Variants in CD101 observed in about 807,000 individuals in gnomAD.
CD101 encodes immunoglobulin superfamily member 2.
CD101 carries 76 observed loss-of-function variants against 98.2 expected under a neutral mutation model. The observed-to-expected ratio is 0.77, with a 90% CI of 0.64 to 0.94. The LOEUF is 0.94. Among genes scored for constraint, CD101 ranks in the 40% least tolerant of loss-of-function variants. The pLI, the probability that CD101 is intolerant of heterozygous loss-of-function variation, is 0.00. For synonymous variants in CD101, 471 were observed against 472.7 expected (o/e 1.00, Z 0.05); for missense variants, 1,145 against 1,218.8 (o/e 0.94, Z 0.90).
intron 4 of CD101, among the ~76,000 whole-genome samples, chr1:117,014,769 G>C (rs1653107996): frequency 6.6e-6 from 1 of 152,138 alleles, no homozygotes; most frequent in African/African-American, 2.4e-5. Context: ...TCCAAAGATA[G>C]ATAAATTTTC....
chr1:117,029,355 A>C (rs1248649742), intron 8 of CD101, among the ~76,000 whole-genome samples: 1 of 152,202 alleles, frequency 6.6e-6, no homozygotes, highest in Admixed American at 6.5e-5. Flanking sequence ...GAAGAAAAAG[A>C]TTAATAGAAG....
rs536709860 is a variant in CD101, at chr1:117,022,269, G to A, written c.2428+286G>A. On this transcript the variant is annotated intron_variant, in intron 7 of 9. Transcript: ENST00000682167. The surrounding 1 kb of genome is among the most constrained non-coding windows in gnomAD (Gnocchi z 4.8). ...GGTCTGTGCAGCTACCCAGGGTATC[G>A]TATCTCCAGATCTCTATCATAACAA... Among the ~76,000 whole-genome samples the A allele has an allele frequency of 1.6e-3, 239 of 152,248 alleles. 1 individual carries two copies. Among genetic ancestry groups the A allele is most frequent in the Non-Finnish European group, 2.6e-3 (177 of 68,018 alleles).
At chr1:117,017,516 C>T (rs907799674) in intron 5 of CD101, 43 bp downstream of exon 5, 1 of 1,556,524 alleles carries the variant, frequency 6.4e-7, no homozygotes, top group Non-Finnish European at 8.7e-7. Flanking sequence ...GTATATCACT[C>T]AATTCATTCT....
At chr1:117,008,936 T>C (rs543656359) in intron 1 of CD101, among the ~76,000 whole-genome samples, 5 of 152,230 alleles carry the variant, frequency 3.3e-5, no homozygotes, top group African/African-American at 4.8e-5. Flanking sequence ...ACCACTCTTG[T>C]GGCATGTCTT....
intron 8 of CD101, among the ~76,000 whole-genome samples, chr1:117,029,882 T>C (rs1381882606): frequency 6.6e-6 from 1 of 152,226 alleles, no homozygotes. Flanking sequence ...TTGCCTTTTC[T>C]TCTCTATCTT....
intron 1 of CD101, among the ~76,000 whole-genome samples, chr1:117,003,003 A>T (rs1012387044): frequency 2.6e-5 from 4 of 152,174 alleles, no homozygotes; most frequent in African/African-American, 9.7e-5. Context: ...ATAGCTGGGC[A>T]TGGTGGCACA....
At chr1:117,009,757 C>G in intron 1 of CD101, 93 bp from the exon 2 acceptor site, 3 of 1,348,224 alleles carry the variant, frequency 2.2e-6, no homozygotes, top group South Asian at 1.5e-5. Flanking sequence ...TCTCATTTAC[C>G]AGAATTGTAA....
intron 8 of CD101, among the ~76,000 whole-genome samples, chr1:117,029,241 G>GAAGGAAAGAAAGAAAAGAAAGA (rs1654260944): frequency 7.1e-6 from 1 of 140,102 alleles, no homozygotes; most frequent in Non-Finnish European, 1.5e-5. Flanking sequence ...AAGAAAGAAA[G>GAAGGAAAGAAAGAAAAGAAAGA]AAAGAAAGAA....
At position 117,036,496 on chromosome 1, in the gene CD101, G is replaced by A. The variant is rs1654843367; in HGVS notation, c.*362G>A. On this transcript the variant is annotated 3_prime_UTR_variant, in exon 10 of 10. Transcript: ENST00000682167. The surrounding 1 kb of genome is among the most constrained non-coding windows in gnomAD (Gnocchi z 5.0). The stretch of plus-strand genomic sequence containing the variant: ...CACCGCTTTGGAGAGTATTCCCAGC[G>A]CTCTCCTTGCTTGTGACAAGTAAAA... The A allele has an allele frequency of 6.7e-6, 1 of 150,232 alleles. No homozygotes were observed. Among genetic ancestry groups the A allele is most frequent in the Admixed American group, 6.6e-5 (1 of 15,102 alleles). The allele number at this position is 150,232 out of a possible 1,614,324, so 9.3% of individuals were successfully genotyped here. A position where few individuals can be genotyped will look rare whatever the true frequency, so the allele number is the denominator to read the frequency against.
At position 117,013,686 on chromosome 1, in the gene CD101, C is replaced by T; in HGVS notation, c.1122C>T (p.Ala374=). Residue 374 remains alanine, a synonymous_variant, in exon 4 of 10, where the codon GCC becomes GCT. Coordinates refer to ENST00000682167, the MANE Select transcript of CD101 (RefSeq NM_001256106.3). ...IFSLGPEDEG[A]YRCVVAEVMK... Reference sequence around the variant, plus strand: ...CTCTGGGCCCAGAGGATGAAGGCGCCTACAGATGTGTGGTAGCAGAGGTCA... The same window carrying T: ...CTCTGGGCCCAGAGGATGAAGGCGCTTACAGATGTGTGGTAGCAGAGGTCA... The T allele has an allele frequency of 6.2e-7, 1 of 1,614,124 alleles. No homozygotes were observed. The highest frequency in any genetic ancestry group is 1.7e-5 in the Admixed American group (1 of 60,012).
chr1:117,027,806 G>C (rs190067704), intron 8 of CD101, among the ~76,000 whole-genome samples: 1 of 152,136 alleles, frequency 6.6e-6, no homozygotes, highest in Non-Finnish European at 1.5e-5. Flanking sequence ...ATTGGAGGTC[G>C]GGCACAGTGG....
chr1:117,010,281 C>T lies in CD101; in HGVS notation c.424+51C>T. The T allele has an allele frequency of 6.4e-7, 1 of 1,551,050 alleles. No homozygotes were observed. The highest frequency in any genetic ancestry group is 8.7e-7 in the Non-Finnish European group (1 of 1,144,292). ...GCCAGCCCCTGAGAAGCCAGAGTCT[C>T]CACCATGACAATATCTTGCAATATG... On this transcript the variant is annotated intron_variant, in intron 2 of 9. Transcript: ENST00000682167. The surrounding 1 kb of genome is among the most constrained non-coding windows in gnomAD (Gnocchi z 5.2).
chr1:117,002,176 A>C (rs1652267689), intron 1 of CD101, among the ~76,000 whole-genome samples: 1 of 152,242 alleles, frequency 6.6e-6, no homozygotes, highest in Non-Finnish European at 1.5e-5. Context: ...CCCAAGAGAC[A>C]GTAAAAAAGC....
In CD101 at chr1:117,013,365, C is replaced by G. The variant is rs772231142; in HGVS notation, c.842-41C>G. 4 of 1,564,604 alleles carry G rather than the reference C, an allele frequency of 2.6e-6. No individual in the cohort carries two copies. In the South Asian group the frequency reaches 4.9e-5, roughly 19 times the overall value. ...CTCTCTGGTACTGAAAGGACAGAGG[C>G]TGTGGGCTCTCTAAATACCTGCCTT... On this transcript the variant is annotated intron_variant, in intron 3 of 9. Transcript: ENST00000682167.
chr1:117,002,734 G>A (rs1049958059), intron 1 of CD101, among the ~76,000 whole-genome samples: 8 of 152,030 alleles, frequency 5.3e-5, no homozygotes, highest in African/African-American at 1.9e-4. Flanking sequence ...TCTTATTTAT[G>A]CATTACATAA....
chr1:117,029,217 GAAAGAAAGAAAGAAAGAA>G (rs1654225947), intron 8 of CD101, among the ~76,000 whole-genome samples: 6 of 21,660 alleles, frequency 2.8e-4, no homozygotes, highest in Middle Eastern at 0.014. Context: ...AGAAAGAAAA[GAAAGAAAGAAAGAAAGAA>G]AGAAAGAAAG....
chr1:117,024,732 G>A (rs930220340), intron 7 of CD101, among the ~76,000 whole-genome samples: 1 of 152,140 alleles, frequency 6.6e-6, no homozygotes, highest in African/African-American at 2.4e-5. Flanking sequence ...AAAATGTTCA[G>A]TCTCTTGGAT....
chr1:117,012,630 A>G lies in CD101; in HGVS notation c.841+664A>G, dbSNP rs559469644. 2.4e-4 allele frequency among the ~76,000 whole-genome samples: 36 copies of G among 151,760 alleles called. No individual in the cohort carries two copies. Among genetic ancestry groups the G allele is most frequent in the Non-Finnish European group, 4.1e-4 (28 of 67,948 alleles). On this transcript the variant is annotated intron_variant, in intron 3 of 9. Coordinates refer to ENST00000682167, the MANE Select transcript of CD101 (RefSeq NM_001256106.3). This position sits in a 1 kb window ranked among gnomAD's most constrained non-coding sequence, Gnocchi z 4.0. The stretch of plus-strand genomic sequence containing the variant: ...GCTATGTTCCCCAGGCTGGCCTTGA[A>G]CTCCGGGGCTCAAGCAATCCTCCTG...
In CD101 at chr1:117,021,517, A is replaced by C. The variant is rs893101861; in HGVS notation, c.2018-56A>C. 6 of 1,449,934 alleles carry C rather than the reference A, an allele frequency of 4.1e-6. No homozygotes were observed. The African/African-American group carries it at 8.6e-5, about 21-fold the overall frequency. 89.8% of individuals were successfully genotyped at this position (1,449,934 alleles called of 1,614,324 possible). On this transcript the variant is annotated intron_variant, in intron 6 of 9. Coordinates refer to ENST00000682167, the MANE Select transcript of CD101 (RefSeq NM_001256106.3). This position sits in a 1 kb window ranked among gnomAD's most constrained non-coding sequence, Gnocchi z 4.7. ...GTCATACTTGACCTCTAATGTCTCTACTACCTTAACTTTCTATTTCATAGC... is the reference window on the plus strand; with the variant it reads ...GTCATACTTGACCTCTAATGTCTCTCCTACCTTAACTTTCTATTTCATAGC...
Sources: allele counts gnomAD v4.1 joint callset (sites outside exome capture counted in the v4.1 genomes callset), GRCh38; gene constraint gnomAD v4.1.1; non-coding constraint Gnocchi (gnomAD v3.1); transcripts MANE v1.5; gene names NCBI Gene and HGNC (gene_info 2026-07-23, HGNC 2026-07-21).